The following NBEA variants were observed in gnomAD, a reference collection of about 807,000 sequenced individuals.
The protein encoded by NBEA is lysosomal-trafficking regulator 2.
Under a neutral mutation model 343.4 loss-of-function variants are expected in NBEA, and 44 were observed. That is an observed-to-expected ratio of 0.13 (90% confidence interval 0.10 to 0.16). The LOEUF (loss-of-function observed/expected upper bound fraction) is 0.16. Among genes scored for constraint, NBEA ranks in the 10% least tolerant of loss-of-function variants. The pLI is 1.00. For missense variants in NBEA, 2,555 were observed against 3,631.3 expected, an observed-to-expected ratio of 0.70 and a Z score of 7.62; for synonymous variants, 1,175 against 1,238.7, an observed-to-expected ratio of 0.95 and a Z score of 1.08.
intron 27 of NBEA, among the ~76,000 whole-genome samples, chr13:35,176,401 C>T (rs909481387): frequency 6.6e-6 from 1 of 152,014 alleles, no homozygotes; most frequent in Non-Finnish European, 1.5e-5. Flanking sequence ...GATTGAGTTT[C>T]AGGGACCCTA....
chr13:35,259,297 C>G (rs1043539614), intron 34 of NBEA, among the ~76,000 whole-genome samples: 2 of 152,108 alleles, frequency 1.3e-5, no homozygotes, highest in African/African-American at 4.8e-5. Flanking sequence ...TAATAATGAA[C>G]TACATTGACT....
intron 34 of NBEA, among the ~76,000 whole-genome samples, chr13:35,280,775 A>G (rs979235658): frequency 2.3e-4 from 34 of 147,050 alleles, no homozygotes; most frequent in African/African-American, 8.0e-4. Context: ...TTTTTGACAG[A>G]TTTTTTTTTT....
intron 38 of NBEA, among the ~76,000 whole-genome samples, chr13:35,418,117 T>A (rs2044047606): frequency 6.6e-6 from 1 of 152,116 alleles, no homozygotes; most frequent in African/African-American, 2.4e-5. Context: ...ATCCCTTTAT[T>A]TTGAGCCTAT....
intron 1 of NBEA, among the ~76,000 whole-genome samples, chr13:34,988,228 C>T (rs1427965629): frequency 1.3e-5 from 2 of 151,032 alleles, no homozygotes; most frequent in Non-Finnish European, 3.0e-5. Context: ...GGAGGTGTCT[C>T]CCAGTTAGCC....
At chr13:34,989,345 A>T (rs1387734425) in intron 1 of NBEA, among the ~76,000 whole-genome samples, 2 of 150,972 alleles carry the variant, frequency 1.3e-5, no homozygotes, top group African/African-American at 4.8e-5. Context: ...AAGAAAAGAG[A>T]TTTAATCGAT....
Position 35,196,066 on chromosome 13 carries a change from A to T in NBEA, c.5130A>T (p.Glu1710Asp). 2 of 1,613,662 alleles carry T rather than the reference A, an allele frequency of 1.2e-6. No individual in the cohort carries two copies. Among genetic ancestry groups the T allele is most frequent in the Non-Finnish European group, 8.5e-7 (1 of 1,179,742 alleles). The change falls in exon 31 of 59, where the codon GAA becomes GAT. Residue 1710 changes from glutamate to aspartate, a missense_variant. By Grantham distance (45) the Glu-to-Asp change is conservative (BLOSUM62 2). This residue lies in a region of NBEA where 270 missense variants were observed against 293.3 expected (regional missense o/e 0.92). Transcript: ENST00000379939. ...AACTCTTATCCACTTTGTCATCCGA[A>T]GTGAAGAAATCACAAGAGAGCTTAA... ...MSELLSTLSS[E>D]VKKSQESLTE... is the part of the protein sequence containing the mutation.
rs1229654383 is a variant in NBEA at position 35,588,818 on chromosome 13, G to A, written c.7177-4510G>A. Among the ~76,000 whole-genome samples the A allele has an allele frequency of 5.3e-5, 8 of 152,018 alleles. No homozygotes were observed. The East Asian group carries it at 1.2e-3, about 22-fold the overall frequency. ...TGGCTTGCTGACCACTCAGTAACTC[G>A]TTCACCTTCCAAATTCAGTATATTC... On this transcript the variant is annotated intron_variant, in intron 46 of 58. Transcript: ENST00000379939.
intron 40 of NBEA, among the ~76,000 whole-genome samples, chr13:35,452,740 T>C (rs1197116342): frequency 6.6e-6 from 1 of 152,208 alleles, no homozygotes; most frequent in Non-Finnish European, 1.5e-5. Context: ...ACCTCAGTTT[T>C]ACCTTGTCAT....
At chr13:35,380,487 G>A (rs1234813879) in intron 38 of NBEA, among the ~76,000 whole-genome samples, 1 of 152,018 alleles carries the variant, frequency 6.6e-6, no homozygotes, top group Admixed American at 6.6e-5. Flanking sequence ...GTAGTTTTCA[G>A]TGTGGAGGTG....
intron 21 of NBEA, 27 bp downstream of exon 21, chr13:35,157,297 T>G (rs1198923292): frequency 6.8e-7 from 1 of 1,474,302 alleles, no homozygotes; most frequent in Non-Finnish European, 9.1e-7. Context: ...CATTTTAACA[T>G]CATCAGAGTT....
At chr13:35,457,180 G>A (rs2046626137) in intron 40 of NBEA, among the ~76,000 whole-genome samples, 2 of 151,766 alleles carry the variant, frequency 1.3e-5, no homozygotes, top group African/African-American at 4.8e-5. Flanking sequence ...CCATTTTTAA[G>A]ACCCATTTAA....
At position 35,254,324 on chromosome 13, in the gene NBEA, C is replaced by CT. The variant is rs377465927; in HGVS notation, c.5776+21723dup. ...AAGTTTCTAACATTTTTATTTTTTACTTTTTTTTTTTTTTTTTTGAGACAG... is the reference window on the plus strand; with the variant it reads ...AAGTTTCTAACATTTTTATTTTTTACTTTTTTTTTTTTTTTTTTTGAGACAG... On this transcript the variant is annotated intron_variant, in intron 34 of 58. Transcript: ENST00000379939. Among the ~76,000 whole-genome samples the CT allele has an allele frequency of 1.0e-2, 1,323 of 132,772 alleles. 11 individuals are homozygous for CT. The highest frequency in any genetic ancestry group is 0.011 in the Non-Finnish European group (659 of 62,080). The allele number at this position is 132,772 out of a possible 152,430, so 87.1% of individuals were successfully genotyped here. A position where few individuals can be genotyped will look rare whatever the true frequency, so the allele number is the denominator to read the frequency against.
At chr13:35,461,511 G>A (rs2046903948) in intron 40 of NBEA, among the ~76,000 whole-genome samples, 1 of 152,278 alleles carries the variant, frequency 6.6e-6, no homozygotes, top group East Asian at 1.9e-4. Flanking sequence ...TTGTTTTTAA[G>A]CATGTGAATG....
At position 35,045,395 on chromosome 13, in the gene NBEA, C is replaced by T. The variant is rs201154777; in HGVS notation, c.717C>T (p.Ser239=). ...CTTTTTTCAATTTCCCTGGTTGTAG[C>T]GCTGCGGTAAGTTTTAAATACATGT... is the stretch of plus-strand genomic sequence containing the variant. The part of the protein sequence containing the change: ...PDTFFNFPGC[S]AAAIALPPIA... The change falls in exon 4 of 59, where the codon AGC becomes AGT. Residue 239 remains serine (S), a synonymous_variant. Transcript: ENST00000379939. The T allele has an allele frequency of 2.6e-5, 41 of 1,606,268 alleles. 1 individual carries two copies. The highest frequency in any genetic ancestry group is 1.2e-4 in the Admixed American group (7 of 59,502).
chr13:35,230,241 C>T (rs1028814469), intron 33 of NBEA, among the ~76,000 whole-genome samples: 66 of 152,076 alleles, frequency 4.3e-4, no homozygotes, highest in Admixed American at 1.8e-3. Flanking sequence ...ATCAGTTGCT[C>T]GGATTAATTG....
chr13:35,377,934 T>G (rs1321284645), intron 38 of NBEA, among the ~76,000 whole-genome samples: 1 of 152,232 alleles, frequency 6.6e-6, no homozygotes, highest in East Asian at 1.9e-4. Context: ...AGTTTCTTAT[T>G]TATTATTTTG....
chr13:35,170,173 C>T (rs573622965), intron 25 of NBEA, among the ~76,000 whole-genome samples: 3 of 151,560 alleles, frequency 2.0e-5, no homozygotes, highest in African/African-American at 4.8e-5. Context: ...TTTCTGCTCA[C>T]GTTTCCATGT....
chr13:35,616,458 T>G (rs1223020623), intron 48 of NBEA, among the ~76,000 whole-genome samples: 1 of 152,226 alleles, frequency 6.6e-6, no homozygotes, highest in East Asian at 1.9e-4. Flanking sequence ...TCAGTTTTCC[T>G]CAGTGACACT....
chr13:35,008,743 A>G (rs2152531163), intron 1 of NBEA, among the ~76,000 whole-genome samples: 1 of 152,336 alleles, frequency 6.6e-6, no homozygotes, highest in Admixed American at 6.5e-5. Flanking sequence ...TACATATTTT[A>G]AATGGAATCA....
Sources: gnomAD v4.1 joint callset for allele counts (sites outside exome capture counted in the v4.1 genomes callset) on GRCh38, gnomAD v4.1.1 for gene constraint, gnomAD v4.1.1 regional missense constraint, MANE v1.5 for transcripts, NCBI Gene and HGNC (gene_info 2026-07-23, HGNC 2026-07-21) for gene names.